The following RGS17 variants were observed in gnomAD, a reference collection of about 807,000 sequenced individuals.
RGS17 encodes regulator of G-protein signaling 17.
RGS17 carries 12 observed loss-of-function variants against 25.5 expected under a neutral mutation model. The observed-to-expected ratio is 0.47, with a 90% CI of 0.30 to 0.76. RGS17 has a LOEUF of 0.76. Among genes scored for constraint, RGS17 ranks in the 30% least tolerant of loss-of-function variants. The pLI is 0.07. For synonymous variants in RGS17, 71 were observed against 76.9 expected, an observed-to-expected ratio of 0.92 and a Z score of 0.40; for missense variants, 196 against 242.2, an observed-to-expected ratio of 0.81 and a Z score of 1.27.
chr6:153,078,339 T>A (rs1479670704), intron 1 of RGS17, among the ~76,000 whole-genome samples: 1 of 152,170 alleles, frequency 6.6e-6, no homozygotes, highest in Admixed American at 6.5e-5. Context: ...TTCATTGAGG[T>A]TGAATTAGAT....
rs550138227 is a variant in RGS17 at position 153,111,270 on chromosome 6, A to G, written c.-26+19854T>C. 2.0e-5 allele frequency among the ~76,000 whole-genome samples: 3 copies of G among 152,288 alleles called. No individual in the cohort carries two copies. In the South Asian group the frequency reaches 6.2e-4, roughly 32 times the overall value. ...CTTAGTCGGGGGAGGGGCGTCCGCC[A>G]TTACTGAGGCTTGAGTAGGCAGTTT... On this transcript the variant is annotated intron_variant, in intron 1 of 4. Coordinates refer to ENST00000206262, the MANE Select transcript of RGS17 (RefSeq NM_012419.5).
At chr6:153,040,875 C>T (rs1182629455) in intron 2 of RGS17, among the ~76,000 whole-genome samples, 1 of 151,680 alleles carries the variant, frequency 6.6e-6, no homozygotes, top group Non-Finnish European at 1.5e-5. Context: ...ATTAAGTGGC[C>T]AGGCACAGTG....
At chr6:153,071,181 T>TTATATATATCAATATATATACAA (rs1491389846) in intron 1 of RGS17, among the ~76,000 whole-genome samples, 7 of 150,090 alleles carry the variant, frequency 4.7e-5, no homozygotes, top group Admixed American at 1.3e-4. Context: ...CATATATATC[T>TTATATATATCAATATATATACAA]TATATATATC....
At chr6:153,036,598 T>G (rs148068576) in intron 2 of RGS17, among the ~76,000 whole-genome samples, 91 of 152,296 alleles carry the variant, frequency 6.0e-4, no homozygotes, top group Non-Finnish European at 1.1e-3. Context: ...TACAACTAAC[T>G]CTTGGATACC....
At position 153,127,943 on chromosome 6, in the gene RGS17, C is replaced by T. The variant is rs577327978; in HGVS notation, c.-26+3181G>A. Among the ~76,000 whole-genome samples the T allele has an allele frequency of 5.3e-5, 8 of 152,300 alleles. No homozygotes were observed. The South Asian group carries it at 1.7e-3, about 32-fold the overall frequency. On this transcript the variant is annotated intron_variant, in intron 1 of 4. Coordinates refer to ENST00000206262, the MANE Select transcript of RGS17 (RefSeq NM_012419.5). ...ATTTTACACCTGCCTTTGCCACATA[C>T]TGTGCCAGGTGCTGGCACAATAGCA...
intron 1 of RGS17, among the ~76,000 whole-genome samples, chr6:153,072,063 T>C (rs181061134): frequency 6.6e-6 from 1 of 152,282 alleles, no homozygotes. Flanking sequence ...TACAAGTCTT[T>C]TGAGGCTAAG....
intron 1 of RGS17, among the ~76,000 whole-genome samples, chr6:153,070,910 T>C (rs991159825): frequency 6.7e-6 from 1 of 149,848 alleles, no homozygotes; most frequent in Admixed American, 6.7e-5. Context: ...TATATGTACA[T>C]ATGTGTACAT....
At chr6:153,061,251 T>C (rs1339814502) in intron 1 of RGS17, among the ~76,000 whole-genome samples, 1 of 152,188 alleles carries the variant, frequency 6.6e-6, no homozygotes, top group Non-Finnish European at 1.5e-5. Flanking sequence ...GCAGCTTTTG[T>C]CAGAAATACT....
intron 1 of RGS17, among the ~76,000 whole-genome samples, chr6:153,057,435 C>A (rs9397129): frequency 0.37 from 56,781 of 151,764 alleles, 11,152 homozygotes; most frequent in East Asian, 0.62. Context: ...CACTCCCAAG[C>A]TGTATTACAA....
At chr6:153,123,029 C>G (rs556272547) in intron 1 of RGS17, among the ~76,000 whole-genome samples, 3 of 142,380 alleles carry the variant, frequency 2.1e-5, no homozygotes, top group Non-Finnish European at 4.5e-5. Flanking sequence ...ATTTAATACT[C>G]CAATGTACAC....
chr6:153,088,370 T>C (rs1777080915), intron 1 of RGS17, among the ~76,000 whole-genome samples: 1 of 152,210 alleles, frequency 6.6e-6, no homozygotes, highest in South Asian at 2.1e-4. Flanking sequence ...ATACAGATGT[T>C]GAGTTTGATA....
chr6:153,072,851 T>A (rs201303240), intron 1 of RGS17, among the ~76,000 whole-genome samples: 3 of 152,154 alleles, frequency 2.0e-5, no homozygotes, highest in African/African-American at 7.2e-5. Flanking sequence ...ATTCAGCACT[T>A]AATACCTGTT....
At chr6:153,038,859 G>C (rs1434959869) in intron 2 of RGS17, among the ~76,000 whole-genome samples, 1 of 152,180 alleles carries the variant, frequency 6.6e-6, no homozygotes, top group African/African-American at 2.4e-5. Flanking sequence ...GTACTTGTTA[G>C]AAACGGAGGG....
At chr6:153,124,738 T>C (rs535582883) in intron 1 of RGS17, among the ~76,000 whole-genome samples, 3 of 152,326 alleles carry the variant, frequency 2.0e-5, no homozygotes, top group South Asian at 4.1e-4. Context: ...AGGGCAATTT[T>C]CCATAAGCTT....
rs1779131055 is a variant in RGS17 at position 153,011,353 on chromosome 6, AAAAC to A, written c.*217_*220del. The A allele has an allele frequency of 1.9e-6, 1 of 522,374 alleles. No individual in the cohort carries two copies. Among genetic ancestry groups the A allele is most frequent in the Non-Finnish European group, 3.4e-6 (1 of 296,440 alleles). The allele number at this position is 522,374 out of a possible 1,614,324, so 32.4% of individuals were successfully genotyped here. On this transcript the variant is annotated 3_prime_UTR_variant, in exon 5 of 5. Transcript: ENST00000206262. ...CTTGCAAGTAGAATGAGTCTTGAAT[AAAAC>A]AAACAATTTGGCAATTCATTGTTTT...
intron 1 of RGS17, among the ~76,000 whole-genome samples, chr6:153,080,145 C>A (rs1478751257): frequency 6.6e-6 from 1 of 152,070 alleles, no homozygotes; most frequent in African/African-American, 2.4e-5. Flanking sequence ...CCATACCCAG[C>A]TAATTTTTGT....
chr6:153,073,553 TAGGTGATAAGC>T (rs1420620664), intron 1 of RGS17, among the ~76,000 whole-genome samples: 1 of 152,024 alleles, frequency 6.6e-6, no homozygotes, highest in African/African-American at 2.4e-5. Context: ...ACCCTGGGAT[TAGGTGATAAGC>T]AGTAGGTGAT....
At chr6:153,091,701 CG>C (rs1241434211) in intron 1 of RGS17, among the ~76,000 whole-genome samples, 1 of 152,028 alleles carries the variant, frequency 6.6e-6, no homozygotes, top group African/African-American at 2.4e-5. Context: ...TTAGTAGAGA[CG>C]GGGTTTCTCC....
At chr6:153,020,218 A>C (rs1779235147) in intron 4 of RGS17, among the ~76,000 whole-genome samples, 1 of 127,990 alleles carries the variant, frequency 7.8e-6, no homozygotes, top group Admixed American at 9.8e-5. Context: ...CAGTGGCACG[A>C]TCTTGGCTCA....
Sources: gnomAD v4.1 joint callset for allele counts (sites outside exome capture counted in the v4.1 genomes callset) on GRCh38, gnomAD v4.1.1 for gene constraint, MANE v1.5 for transcripts, NCBI Gene and HGNC (gene_info 2026-07-23, HGNC 2026-07-21) for gene names.